XIRP2: variants seen among roughly 807,000 people sequenced by gnomAD.
XIRP2 encodes xin actin binding repeat containing 2, also known as xin actin-binding repeat-containing protein 2.
XIRP2 carries 236 observed loss-of-function variants against 277.0 expected under a neutral mutation model. The ratio of observed to expected loss-of-function variants is 0.85; its 90% CI spans 0.77 to 0.95. XIRP2 has a LOEUF of 0.95. XIRP2 is among the 40% of genes least tolerant of loss of function. XIRP2 has a pLI of 0.00. For synonymous variants in XIRP2, 1,490 were observed against 1,416.5 expected, an observed-to-expected ratio of 1.05 and a Z score of -1.17; for missense variants, 4,640 against 4,157.5, an observed-to-expected ratio of 1.12 and a Z score of -3.19.
intron 3 of XIRP2, among the ~76,000 whole-genome samples, chr2:167,162,100 C>T (rs1444888228): frequency 1.3e-5 from 2 of 152,220 alleles, no homozygotes; most frequent in Admixed American, 6.5e-5. Flanking sequence ...GAGACCCCCT[C>T]AGCCTGAATT....
At chr2:167,017,230 A>T (rs1273371022) in intron 2 of XIRP2, among the ~76,000 whole-genome samples, 1 of 151,952 alleles carries the variant, frequency 6.6e-6, no homozygotes, top group Non-Finnish European at 1.5e-5. Flanking sequence ...AACTGGTACT[A>T]ATCTCCCACT....
chr2:167,134,954 A>G (rs1691500860), intron 2 of XIRP2, among the ~76,000 whole-genome samples: 1 of 152,142 alleles, frequency 6.6e-6, no homozygotes, highest in South Asian at 2.1e-4. Flanking sequence ...TTTAAAATTT[A>G]TGAATGGTTT....
At chr2:167,130,888 CGTAA>C (rs1048020117) in intron 2 of XIRP2, among the ~76,000 whole-genome samples, 1 of 151,978 alleles carries the variant, frequency 6.6e-6, no homozygotes, top group Non-Finnish European at 1.5e-5. Flanking sequence ...TTTCTGAATT[CGTAA>C]GTAACTATGT....
At chr2:167,012,396 C>G (rs2105472461) in intron 2 of XIRP2, among the ~76,000 whole-genome samples, 1 of 151,844 alleles carries the variant, frequency 6.6e-6, no homozygotes, top group Non-Finnish European at 1.5e-5. Flanking sequence ...ATGAATCAGA[C>G]TAGATTTCTG....
chr2:166,903,403 G>T, intron 1 of XIRP2, 62 bp from the exon 2 acceptor site: 1 of 1,493,978 alleles, frequency 6.7e-7, no homozygotes, highest in South Asian at 1.3e-5. Context: ...AGAGTATTTT[G>T]AGTCTGAAAA....
chr2:166,936,929 GT>G (rs1172991866), intron 2 of XIRP2, among the ~76,000 whole-genome samples: 1 of 152,154 alleles, frequency 6.6e-6, no homozygotes, highest in South Asian at 2.1e-4. Context: ...CTTTAAAGTA[GT>G]TTTTTCCAAT....
At chr2:167,106,186 A>G (rs1481857219) in intron 2 of XIRP2, among the ~76,000 whole-genome samples, 1 of 151,722 alleles carries the variant, frequency 6.6e-6, no homozygotes, top group Non-Finnish European at 1.5e-5. Context: ...GATGGAGTCA[A>G]AAGTATCAAT....
chr2:167,119,322 A>G (rs1690986067), intron 2 of XIRP2, among the ~76,000 whole-genome samples: 1 of 152,206 alleles, frequency 6.6e-6, no homozygotes, highest in Non-Finnish European at 1.5e-5. Context: ...AAAGTATTTG[A>G]AATATAATTT....
At chr2:167,066,229 A>AT (rs1319170778) in intron 2 of XIRP2, among the ~76,000 whole-genome samples, 2 of 151,788 alleles carry the variant, frequency 1.3e-5, no homozygotes, top group East Asian at 3.9e-4. Context: ...ATAACACCTC[A>AT]TTTTTCCCTT....
intron 2 of XIRP2, among the ~76,000 whole-genome samples, chr2:167,105,912 T>G (rs1690605019): frequency 6.6e-6 from 1 of 151,754 alleles, no homozygotes; most frequent in Admixed American, 6.6e-5. Flanking sequence ...CTAATGACGT[T>G]GAACATCTTT....
In XIRP2 at chr2:167,244,625, G is replaced by GT; in HGVS notation, c.3234dup (p.Lys1079Ter). The GT allele has an allele frequency of 6.2e-7, 1 of 1,613,000 alleles. No individual in the cohort carries two copies. The highest frequency in any genetic ancestry group is 8.5e-7 in the Non-Finnish European group (1 of 1,179,538). ...TTTAGTGATGTGGAAGAAACAGAAA[G>GT]TAAAACTGAACAAACTAGAGATATT... On this transcript the variant is annotated frameshift_variant, in exon 9 of 11. Transcript: ENST00000409195. LOFTEE classifies it high-confidence loss of function.
chr2:167,246,258 G>T lies in XIRP2; in HGVS notation c.4866G>T (p.Glu1622Asp), dbSNP rs1449919096. The change falls in exon 9 of 11, where the codon GAG becomes GAT. Residue 1622 changes from glutamate (E) to aspartate (D), a missense_variant. By Grantham distance (45) the Glu-to-Asp change is conservative (BLOSUM62 2). Coordinates refer to ENST00000409195, the MANE Select transcript of XIRP2 (RefSeq NM_152381.6). ...LLSKRDCTEREILISEEEKGN... is the reference protein window; with the variant it reads ...LLSKRDCTERDILISEEEKGN... ...CCAAAAGGGACTGTACTGAAAGAGA[G>T]ATTTTGATTAGTGAAGAAGAGAAGG... The T allele has an allele frequency of 6.2e-7, 1 of 1,613,514 alleles. No individual in the cohort carries two copies. The highest frequency in any genetic ancestry group is 1.7e-4 in the Middle Eastern group (1 of 6,052).
chr2:166,936,732 G>C (rs1261561643), intron 2 of XIRP2, among the ~76,000 whole-genome samples: 3 of 152,066 alleles, frequency 2.0e-5, no homozygotes, highest in Admixed American at 6.5e-5. Flanking sequence ...TAGATGTGTG[G>C]TATTACTTCT....
Position 167,249,482 on chromosome 2 carries a change from A to T in XIRP2, c.8090A>T (p.His2697Leu). The change falls in exon 9 of 11, where the codon CAC (histidine) becomes CTC (leucine). Residue 2697 changes from histidine to leucine, a missense_variant. By Grantham distance (99) the His-to-Leu change is moderately conservative. Coordinates refer to ENST00000409195, the MANE Select transcript of XIRP2 (RefSeq NM_152381.6). ...TQQKKYLEQL[H>L]LPQSKPISPN... ...CAGAAGAAGTATTTGGAGCAGTTGC[A>T]CTTGCCCCAAAGCAAACCAATTTCC... 2 of 1,613,850 alleles carry T rather than the reference A, an allele frequency of 1.2e-6. No homozygotes were observed. Among genetic ancestry groups the T allele is most frequent in the Non-Finnish European group, 1.7e-6 (2 of 1,179,824 alleles).
chr2:167,243,199 A>G lies in XIRP2; in HGVS notation c.1807A>G (p.Ile603Val), dbSNP rs1450188909. 6.8e-6 allele frequency: 11 copies of G among 1,614,012 alleles called. No homozygotes were observed. The highest frequency in any genetic ancestry group is 9.3e-6 in the Non-Finnish European group (11 of 1,179,996). The change falls in exon 9 of 11, where the codon ATT (isoleucine) becomes GTT (valine). Residue 603 changes from isoleucine (I) to valine (V), a missense_variant. Physicochemically the swap from Ile to Val is conservative, Grantham distance 29. Transcript: ENST00000409195. Reference sequence around the variant, plus strand: ...TGATGAAGGTGATATTTCCAGGGGCATTGCTGATCAAGAAATCATTGCTGG... The same window carrying G: ...TGATGAAGGTGATATTTCCAGGGGCGTTGCTGATCAAGAAATCATTGCTGG... ...SPDEGDISRG[I>V]ADQEIIAGGD...
chr2:167,172,882 A>G (rs1174100327), intron 3 of XIRP2, among the ~76,000 whole-genome samples: 1 of 152,246 alleles, frequency 6.6e-6, no homozygotes, highest in African/African-American at 2.4e-5. Context: ...GGCATAGGAA[A>G]TCACAAGAGT....
chr2:167,005,101 G>A (rs1461877445), intron 2 of XIRP2, among the ~76,000 whole-genome samples: 3 of 151,780 alleles, frequency 2.0e-5, no homozygotes, highest in South Asian at 4.1e-4. Flanking sequence ...CATGGTGGGG[G>A]TTATCATACC....
At chr2:167,017,154 T>C (rs1321143739) in intron 2 of XIRP2, among the ~76,000 whole-genome samples, 1 of 151,930 alleles carries the variant, frequency 6.6e-6, no homozygotes, top group Non-Finnish European at 1.5e-5. Flanking sequence ...CATGAAAAGA[T>C]TCTGGAAGTA....
intron 2 of XIRP2, among the ~76,000 whole-genome samples, chr2:167,117,767 T>C (rs570930313): frequency 2.0e-5 from 3 of 152,268 alleles, no homozygotes; most frequent in Non-Finnish European, 4.4e-5. Context: ...AAGGAATTTC[T>C]GCCTTTTAAA....
Sources: allele counts gnomAD v4.1 joint callset (sites outside exome capture counted in the v4.1 genomes callset), GRCh38; gene constraint gnomAD v4.1.1; transcripts MANE v1.5; gene names NCBI Gene and HGNC (gene_info 2026-07-23, HGNC 2026-07-21).